STAC2: variants seen among roughly 807,000 people sequenced by gnomAD.
The protein encoded by STAC2 is SH3 and cysteine rich domain 2.
A neutral mutation model predicts 49.0 loss-of-function variants in STAC2; 36 were observed. The ratio of observed to expected loss-of-function variants is 0.74; its 90% CI spans 0.56 to 0.97. STAC2 has a LOEUF of 0.97. Among genes scored for constraint, STAC2 ranks in the 50% least tolerant of loss-of-function variants. STAC2 has a pLI of 0.00. For missense variants in STAC2, 527 were observed against 543.8 expected, an observed-to-expected ratio of 0.97 and a Z score of 0.31; for synonymous variants, 239 against 214.7, an observed-to-expected ratio of 1.11 and a Z score of -0.99.
chr17:39,223,212 G>A (rs1283687105), intron 1 of STAC2, among the ~76,000 whole-genome samples: 2 of 152,170 alleles, frequency 1.3e-5, no homozygotes, highest in Admixed American at 6.5e-5. Flanking sequence ...CTTGGTGGGC[G>A]GCACCCAACT....
chr17:39,214,644 A>T, intron 7 of STAC2, 147 bp downstream of exon 7: 1 of 1,154,150 alleles, frequency 8.7e-7, no homozygotes, highest in Non-Finnish European at 1.2e-6. Flanking sequence ...ATGCCCTCTC[A>T]TCCTGGCATT....
At chr17:39,217,198 T>C in intron 2 of STAC2, 25 bp from the exon 3 acceptor site, 3 of 1,608,652 alleles carry the variant, frequency 1.9e-6, no homozygotes, top group Non-Finnish European at 2.5e-6. Flanking sequence ...GGTTCAGCAA[T>C]TGAGGACACC....
chr17:39,213,364 T>G, intron 9 of STAC2, 143 bp downstream of exon 9: 1 of 1,209,116 alleles, frequency 8.3e-7, no homozygotes, highest in Non-Finnish European at 1.2e-6. Context: ...TCCCAAGGGT[T>G]GGTCCTAGTT....
At chr17:39,219,955 A>T (rs1180682218) in intron 1 of STAC2, among the ~76,000 whole-genome samples, 1 of 152,130 alleles carries the variant, frequency 6.6e-6, no homozygotes, top group African/African-American at 2.4e-5. Flanking sequence ...AAGGGGATGG[A>T]AGTGGTGGCC....
Position 39,214,692 on chromosome 17 carries a change from C to A in STAC2, c.843+99G>T, listed in dbSNP as rs2144233078. The A allele has an allele frequency of 2.1e-6, 3 of 1,397,256 alleles. No homozygotes were observed. In the Admixed American group the frequency reaches 6.1e-5, roughly 28 times the overall value. The allele number at this position is 1,397,256 out of a possible 1,614,324, so 86.6% of individuals were successfully genotyped here. ...GGATAAGTGAGGAAGCAGTGAATCCCCACGCACCATGCTCTTGCCCCCCTA... is the reference window on the plus strand; with the variant it reads ...GGATAAGTGAGGAAGCAGTGAATCCACACGCACCATGCTCTTGCCCCCCTA... On this transcript the variant is annotated intron_variant, in intron 7 of 10. Transcript: ENST00000333461.
chr17:39,211,142 T>G lies in STAC2; in HGVS notation c.*1150A>C, dbSNP rs551582266. ...CAAAGCCTGGGACAGGAACTGACAG[T>G]CACAGGCTCCCCTGGCGGGTGGTTC... is the stretch of plus-strand genomic sequence containing the variant. On this transcript the variant is annotated 3_prime_UTR_variant, in exon 11 of 11. Transcript: ENST00000333461. 7 of 152,498 alleles carry G rather than the reference T, an allele frequency of 4.6e-5. No individual in the cohort carries two copies. Among genetic ancestry groups the G allele is most frequent in the African/African-American group, 1.7e-4 (7 of 41,564 alleles). The allele number at this position is 152,498 out of a possible 1,614,324, so 9.4% of individuals were successfully genotyped here.
rs769500228 is a variant in STAC2, at chr17:39,225,437, G to A, written c.66C>T (p.Thr22=). The A allele has an allele frequency of 4.4e-6, 7 of 1,606,188 alleles. No homozygotes were observed. The South Asian group carries it at 5.5e-5, about 13-fold the overall frequency. ...CCTTGGTTTCCTGGAGGGCGGAGAC[G>A]GTCCCTGGGGGGCTGTGGGTGGCCG... is the stretch of plus-strand genomic sequence containing the variant. ...DDAATHSPPG[T]VSALQETKLQ... Residue 22 remains threonine, a synonymous_variant, in exon 1 of 11, where the codon ACC becomes ACT. Coordinates refer to ENST00000333461, the MANE Select transcript of STAC2 (RefSeq NM_198993.5). This position sits in a 1 kb window ranked among gnomAD's most constrained non-coding sequence, Gnocchi z 8.2.
At chr17:39,223,392 C>T (rs1477079658) in intron 1 of STAC2, among the ~76,000 whole-genome samples, 1 of 152,226 alleles carries the variant, frequency 6.6e-6, no homozygotes, top group African/African-American at 2.4e-5. Flanking sequence ...GTGCAGAATC[C>T]TTCACAAGAG....
chr17:39,225,028 G>C lies in STAC2; in HGVS notation c.90+385C>G, dbSNP rs537847484. On this transcript the variant is annotated intron_variant, in intron 1 of 10. Coordinates refer to ENST00000333461, the MANE Select transcript of STAC2 (RefSeq NM_198993.5). This position sits in a 1 kb window ranked among gnomAD's most constrained non-coding sequence, Gnocchi z 8.2. ...AGACAAATTCAGAGACACGAGCGAG[G>C]ATAGAGGCGCGGACTGAGCCCGGGA... 3.9e-5 allele frequency among the ~76,000 whole-genome samples: 6 copies of C among 152,286 alleles called. No homozygotes were observed. Among genetic ancestry groups the C allele is most frequent in the African/African-American group, 1.4e-4 (6 of 41,574 alleles).
Position 39,212,093 on chromosome 17 carries a change from A to G in STAC2, c.*199T>C. The G allele has an allele frequency of 1.4e-5, 2 of 146,268 alleles. No individual in the cohort carries two copies. The highest frequency in any genetic ancestry group is 8.8e-5 in the South Asian group (1 of 11,356). The allele number at this position is 146,268 out of a possible 1,614,324, so 9.1% of individuals were successfully genotyped here. A position where few individuals can be genotyped will look rare whatever the true frequency, so the allele number is the denominator to read the frequency against. On this transcript the variant is annotated 3_prime_UTR_variant, in exon 11 of 11. Coordinates refer to ENST00000333461, the MANE Select transcript of STAC2 (RefSeq NM_198993.5). ...CCCCATCCCCGCCAAGTCCCAGAGG[A>G]TCAACCCACTCAGGGCACCCCACCC...
rs1250138560 is a variant in STAC2, at chr17:39,212,396, T to A, written c.1132A>T (p.Ile378Phe). 2 of 1,603,902 alleles carry A rather than the reference T, an allele frequency of 1.2e-6. No homozygotes were observed. The highest frequency in any genetic ancestry group is 1.3e-5 in the African/African-American group (1 of 74,730). ...QGYMSLKENQ[I>F]CVGVGRSKDA... ...TTGCTTCTGCCCACGCCCACGCAGA[T>A]CTGAGCCAGAGAGACATGGAGCTGA... Residue 378 changes from isoleucine (I) to phenylalanine (F), a missense_variant and splice_region_variant, in exon 11 of 11, where the codon ATC becomes TTC. Coordinates refer to ENST00000333461, the MANE Select transcript of STAC2 (RefSeq NM_198993.5).
intron 2 of STAC2, 33 bp downstream of exon 2, chr17:39,217,834 T>G: frequency 6.4e-7 from 1 of 1,572,656 alleles, no homozygotes. Context: ...CGCTGGCCCC[T>G]CCCCGTGGCC....
intron 7 of STAC2, 87 bp downstream of exon 7, chr17:39,214,704 C>G: frequency 6.8e-7 from 1 of 1,468,660 alleles, no homozygotes; most frequent in South Asian, 1.3e-5. Flanking sequence ...ACGCACCATG[C>G]TCTTGCCCCC....
intron 4 of STAC2, among the ~76,000 whole-genome samples, chr17:39,216,582 G>C (rs1045635013): frequency 1.3e-5 from 2 of 152,146 alleles, no homozygotes; most frequent in Non-Finnish European, 2.9e-5. Context: ...TGTGACTCAG[G>C]CACCCATCTC....
At chr17:39,216,753 T>C (rs1231297580) in intron 4 of STAC2, 57 bp downstream of exon 4, 24 of 1,486,032 alleles carry the variant, frequency 1.6e-5, no homozygotes, top group Non-Finnish European at 2.2e-5. Flanking sequence ...GTCAGGGATG[T>C]TGATTTCTCA....
At chr17:39,223,990 G>T in intron 1 of STAC2, among the ~76,000 whole-genome samples, 1 of 152,126 alleles carries the variant, frequency 6.6e-6, no homozygotes, top group East Asian at 1.9e-4. Context: ...TTTAGAAGGG[G>T]GCAAGAGAGA....
intron 1 of STAC2, among the ~76,000 whole-genome samples, chr17:39,221,986 A>C (rs1447531835): frequency 6.6e-6 from 1 of 152,214 alleles, no homozygotes; most frequent in Non-Finnish European, 1.5e-5. Context: ...TGGGACAGTC[A>C]TTCCATCTTT....
Position 39,217,730 on chromosome 17 carries a change from A to G in STAC2, c.397+137T>C, listed in dbSNP as rs2046418200. 1.7e-5 allele frequency: 15 copies of G among 903,592 alleles called. No homozygotes were observed. In the South Asian group the frequency reaches 2.5e-4, roughly 15 times the overall value. The allele number at this position is 903,592 out of a possible 1,614,324, so 56.0% of individuals were successfully genotyped here. On this transcript the variant is annotated intron_variant, in intron 2 of 10. Transcript: ENST00000333461. ...AGAGCAAGACTCTGTCTCAAAAAAA[A>G]AAAGAGGCACAGAGGCACAATTAGT...
In STAC2 at chr17:39,212,221, T is replaced by A. The variant is rs555407061; in HGVS notation, c.*71A>T. 1 of 1,168,074 alleles carries A rather than the reference T, an allele frequency of 8.6e-7. No homozygotes were observed. The highest frequency in any genetic ancestry group is 1.2e-6 in the Non-Finnish European group (1 of 800,996). The allele number at this position is 1,168,074 out of a possible 1,614,324, so 72.4% of individuals were successfully genotyped here. A position where few individuals can be genotyped will look rare whatever the true frequency, so the allele number is the denominator to read the frequency against. ...AGGGTATGGAGTGGACAAGGGGGCC[T>A]GATCCCCTCCCTGGCCAGAAGCAAG... On this transcript the variant is annotated 3_prime_UTR_variant, in exon 11 of 11. Transcript: ENST00000333461.
Sources: allele counts gnomAD v4.1 joint callset (sites outside exome capture counted in the v4.1 genomes callset), GRCh38; gene constraint gnomAD v4.1.1; non-coding constraint Gnocchi (gnomAD v3.1); transcripts MANE v1.5; gene names NCBI Gene and HGNC (gene_info 2026-07-23, HGNC 2026-07-21).